Variants in ATP8A2 observed in about 807,000 individuals in gnomAD.
ATP8A2 encodes phospholipid-transporting ATPase IB.
In ATP8A2, 100 loss-of-function variants were observed where a neutral mutation model predicts 165.6. That is an observed-to-expected ratio of 0.60 (90% confidence interval 0.51 to 0.71). The LOEUF is 0.71. ATP8A2 is among the 30% of genes least tolerant of loss of function. The pLI, the probability that ATP8A2 is intolerant of heterozygous loss-of-function variation, is 0.00. For synonymous variants in ATP8A2, 543 were observed against 548.8 expected (o/e 0.99, Z 0.15); for missense variants, 1,227 against 1,479.5 (o/e 0.83, Z 2.80).
chr13:25,759,752 A>T (rs892085423), intron 25 of ATP8A2, among the ~76,000 whole-genome samples: 14 of 152,174 alleles, frequency 9.2e-5, no homozygotes, highest in African/African-American at 3.4e-4. Flanking sequence ...CTAGTACAGG[A>T]AGAGACAGAC....
chr13:25,608,085 T>C (rs2040564733), intron 24 of ATP8A2, among the ~76,000 whole-genome samples: 1 of 152,166 alleles, frequency 6.6e-6, no homozygotes, highest in Non-Finnish European at 1.5e-5. Context: ...TACCTGTGCT[T>C]GGGTAATTTA....
At chr13:25,442,838 T>A (rs73473706) in intron 1 of ATP8A2, among the ~76,000 whole-genome samples, 1 of 152,072 alleles carries the variant, frequency 6.6e-6, no homozygotes, top group Non-Finnish European at 1.5e-5. Flanking sequence ...CATTTTAAAA[T>A]CTACTGTGAA....
chr13:25,717,076 C>T (rs2043270288), intron 25 of ATP8A2, among the ~76,000 whole-genome samples: 1 of 152,166 alleles, frequency 6.6e-6, no homozygotes, highest in Non-Finnish European at 1.5e-5. Flanking sequence ...CCACTATCAC[C>T]AGTGAGTCTT....
At chr13:25,405,946 G>A (rs2033788022) in intron 1 of ATP8A2, among the ~76,000 whole-genome samples, 1 of 152,104 alleles carries the variant, frequency 6.6e-6, no homozygotes, top group Non-Finnish European at 1.5e-5. Context: ...CTTCTGGCAT[G>A]TTGAGTCATT....
intron 24 of ATP8A2, among the ~76,000 whole-genome samples, chr13:25,690,929 A>G (rs2042710552): frequency 6.6e-6 from 1 of 152,242 alleles, no homozygotes; most frequent in Admixed American, 6.5e-5. Context: ...TAATATCCTC[A>G]AAGTGGAAAC....
intron 1 of ATP8A2, among the ~76,000 whole-genome samples, chr13:25,397,974 G>A (rs1397513118): frequency 1.3e-5 from 2 of 152,166 alleles, no homozygotes; most frequent in Admixed American, 1.3e-4. Context: ...GGGGGATTGT[G>A]GAAGCCAAGG....
At chr13:25,408,343 A>T (rs1394132884) in intron 1 of ATP8A2, among the ~76,000 whole-genome samples, 1 of 151,556 alleles carries the variant, frequency 6.6e-6, no homozygotes, top group Non-Finnish European at 1.5e-5. Context: ...CAGTGAGCCG[A>T]GATTGTGCCA....
At chr13:25,898,749 C>T (rs1181010196) in intron 33 of ATP8A2, among the ~76,000 whole-genome samples, 25 of 152,200 alleles carry the variant, frequency 1.6e-4, no homozygotes, top group Admixed American at 1.6e-3. Flanking sequence ...CTCCACCAGC[C>T]TCGCTGCCGC....
intron 1 of ATP8A2, among the ~76,000 whole-genome samples, chr13:25,412,707 A>G (rs917430680): frequency 1.3e-4 from 20 of 152,232 alleles, no homozygotes; most frequent in Non-Finnish European, 2.8e-4. Context: ...TGGGGGAATC[A>G]TAGATTCATC....
chr13:25,531,254 A>ATATATGTTATATATGT (rs1566229143), intron 4 of ATP8A2, among the ~76,000 whole-genome samples: 1 of 18,798 alleles, frequency 5.3e-5, no homozygotes. Context: ...GTTATATATG[A>ATATATGTTATATATGT]TATATATGAT....
At chr13:25,444,186 A>G (rs891770281) in intron 1 of ATP8A2, among the ~76,000 whole-genome samples, 3 of 152,196 alleles carry the variant, frequency 2.0e-5, no homozygotes, top group African/African-American at 7.2e-5. Context: ...GGAATTGTAC[A>G]GTATGCACTT....
chr13:25,496,129 T>C (rs1453668384), intron 2 of ATP8A2, among the ~76,000 whole-genome samples: 2 of 152,174 alleles, frequency 1.3e-5, no homozygotes, highest in African/African-American at 4.8e-5. Flanking sequence ...TGGGCTTTCT[T>C]TGCTTGACTG....
intron 18 of ATP8A2, among the ~76,000 whole-genome samples, chr13:25,572,267 T>A (rs1404659967): frequency 6.6e-6 from 1 of 152,208 alleles, no homozygotes; most frequent in East Asian, 1.9e-4. Context: ...CCGGAGTAGC[T>A]GGGACTGACT....
At chr13:25,850,702 G>A (rs9511942) in intron 30 of ATP8A2, among the ~76,000 whole-genome samples, 20,197 of 152,108 alleles carry the variant, frequency 0.13, 1,570 homozygotes, top group Non-Finnish European at 0.18. Flanking sequence ...AATTGTAACA[G>A]AGCTGTTAAG....
chr13:25,612,720 G>A (rs539290408), intron 24 of ATP8A2, among the ~76,000 whole-genome samples: 3 of 152,146 alleles, frequency 2.0e-5, no homozygotes, highest in Non-Finnish European at 4.4e-5. Context: ...TCTGTCTAAT[G>A]CTGTCAGTGG....
At chr13:25,712,638 G>A (rs1219845364) in intron 25 of ATP8A2, among the ~76,000 whole-genome samples, 2 of 152,192 alleles carry the variant, frequency 1.3e-5, no homozygotes, top group Non-Finnish European at 2.9e-5. Flanking sequence ...GTGATTCCAC[G>A]AGTGTGTAAC....
At chr13:25,645,777 G>C (rs75483736) in intron 24 of ATP8A2, among the ~76,000 whole-genome samples, 4,230 of 152,176 alleles carry the variant, frequency 0.028, 113 homozygotes, top group East Asian at 0.13. Context: ...AGTCAGAAAA[G>C]GTGCTTGGTA....
At chr13:25,717,149 G>C (rs774277444) in intron 25 of ATP8A2, among the ~76,000 whole-genome samples, 3 of 152,144 alleles carry the variant, frequency 2.0e-5, no homozygotes, top group Non-Finnish European at 4.4e-5. Flanking sequence ...AAGAATGGCC[G>C]CTTGTTCATT....
At chr13:25,532,131 G>T in intron 4 of ATP8A2, 141 bp from the exon 5 acceptor site, 1 of 691,158 alleles carries the variant, frequency 1.4e-6, no homozygotes, top group Non-Finnish European at 2.5e-6. Flanking sequence ...TCACAAAATT[G>T]TCTAACTGAA....
Sources: gnomAD v4.1 joint callset for allele counts (sites outside exome capture counted in the v4.1 genomes callset) on GRCh38, gnomAD v4.1.1 for gene constraint, MANE v1.5 for transcripts, NCBI Gene and HGNC (gene_info 2026-07-23, HGNC 2026-07-21) for gene names.